Variants in SUMF2 observed in about 807,000 individuals in gnomAD.
SUMF2 encodes sulfatase modifying factor 2.
SUMF2 carries 45 observed loss-of-function variants against 44.8 expected under a neutral mutation model. That is an observed-to-expected ratio of 1.00 (90% CI 0.79 to 1.29). The LOEUF (loss-of-function observed/expected upper bound fraction) is 1.29. Among genes scored for constraint, SUMF2 ranks in the 50% most tolerant of loss-of-function variants. The probability of loss-of-function intolerance (pLI) is 0.00; values close to 1 mark genes in which losing one functional copy is unlikely to be tolerated. For missense variants in SUMF2, 418 were observed against 389.9 expected (o/e 1.07, Z -0.61); for synonymous variants, 148 against 150.4 (o/e 0.98, Z 0.12).
rs1256214794 is a variant in SUMF2, at chr7:56,080,409, G to A, written c.*797G>A. ...CTCCTGAGTAGCTGGGACTACAAGT[G>A]TGCACCACCATGCCTGGCTAATTTT... is the stretch of plus-strand genomic sequence containing the variant. On this transcript the variant is annotated 3_prime_UTR_variant, in exon 9 of 9. Coordinates refer to ENST00000434526, the MANE Select transcript of SUMF2 (RefSeq NM_015411.4). 6.3e-6 allele frequency: 1 copy of A among 158,694 alleles called. No individual in the cohort carries two copies. Among genetic ancestry groups the A allele is most frequent in the African/African-American group, 2.4e-5 (1 of 41,338 alleles). 9.8% of individuals were successfully genotyped at this position (158,694 alleles called of 1,614,324 possible).
the SUMF2 span, chr7:56,087,549 C>A: frequency 1.3e-6 from 2 of 1,573,636 alleles, no homozygotes; most frequent in Non-Finnish European, 1.7e-6. Context: ...GCTGTCAGGG[C>A]AGAATCACAG....
chr7:56,078,290 C>G, intron 7 of SUMF2, 74 bp from the exon 8 acceptor site: 1 of 1,557,658 alleles, frequency 6.4e-7, no homozygotes, highest in South Asian at 1.2e-5. Context: ...TGCCATTTGG[C>G]CCCCAGGACC....
At chr7:56,070,559 G>A (rs1425165068) in intron 2 of SUMF2, among the ~76,000 whole-genome samples, 3 of 151,952 alleles carry the variant, frequency 2.0e-5, no homozygotes, top group Non-Finnish European at 2.9e-5. Context: ...GAGTGTGGAA[G>A]GTTGAGGCTG....
At chr7:56,087,139 G>A in the SUMF2 span, 3 of 765,908 alleles carry the variant, frequency 3.9e-6, no homozygotes, top group Admixed American at 3.6e-5. Context: ...AGCTGACAGG[G>A]GAATCAGGAG....
chr7:56,086,441 G>A, the SUMF2 span, among the ~76,000 whole-genome samples: 48 of 152,226 alleles, frequency 3.2e-4, 2 homozygotes, highest in African/African-American at 1.1e-3. Context: ...GGGAGGCCGA[G>A]GTGGGAGAAT....
downstream of SUMF2, chr7:56,082,134 G>C (rs766789055): frequency 6.2e-7 from 1 of 1,612,450 alleles, no homozygotes; most frequent in African/African-American, 1.3e-5. Flanking sequence ...CAGCCTAGCT[G>C]GGTGCTCCTC....
chr7:56,074,846 C>A, intron 5 of SUMF2, 110 bp downstream of exon 5: 2 of 1,401,762 alleles, frequency 1.4e-6, no homozygotes, highest in Non-Finnish European at 2.0e-6. Context: ...GCCTGTAATC[C>A]CAACACTTTG....
downstream of SUMF2, chr7:56,083,153 G>T: frequency 6.2e-6 from 5 of 800,920 alleles, no homozygotes; most frequent in Non-Finnish European, 5.8e-6. Flanking sequence ...CCTAGCCCTT[G>T]AAATGGTGGA....
At chr7:56,087,800 C>G in the SUMF2 span, 137 of 1,593,198 alleles carry the variant, frequency 8.6e-5, no homozygotes, top group Non-Finnish European at 1.1e-4. Flanking sequence ...GGACAGATGG[C>G]CTCGGGGGGC....
At chr7:56,083,293 C>T (rs1796104148), downstream of SUMF2, 5 of 1,613,920 alleles carry the variant, frequency 3.1e-6, no homozygotes, top group Admixed American at 1.7e-5. Context: ...AGCCTCTCTC[C>T]CGGCTCCAGC....
At chr7:56,070,072 C>A in intron 2 of SUMF2, among the ~76,000 whole-genome samples, 1 of 151,828 alleles carries the variant, frequency 6.6e-6, no homozygotes, top group East Asian at 1.9e-4. Context: ...CCACGCCCAG[C>A]TATTTTTTGT....
chr7:56,082,420 C>T (rs1796050193), downstream of SUMF2, among the ~76,000 whole-genome samples: 1 of 152,066 alleles, frequency 6.6e-6, no homozygotes, highest in Admixed American at 6.5e-5. Context: ...TGGCGAAACT[C>T]CATCTCTACT....
downstream of SUMF2, chr7:56,080,966 G>A: frequency 2.7e-6 from 4 of 1,476,724 alleles, no homozygotes; most frequent in Non-Finnish European, 2.8e-6. Context: ...CTTCTGCAGA[G>A]GCCTGCACGC....
At chr7:56,074,450 C>T in intron 4 of SUMF2, 136 bp from the exon 5 acceptor site, 3 of 1,222,428 alleles carry the variant, frequency 2.5e-6, no homozygotes, top group Non-Finnish European at 3.4e-6. Flanking sequence ...ACTCCGACCA[C>T]TGGTCACTCA....
Position 56,068,612 on chromosome 7 carries a change from AT to A in SUMF2, c.201del (p.Pro68LeufsTer37), listed in dbSNP as rs1794964852. 1 of 1,613,316 alleles carries A rather than the reference AT, an allele frequency of 6.2e-7. No homozygotes were observed. The highest frequency in any genetic ancestry group is 8.5e-7 in the Non-Finnish European group (1 of 1,179,718). On this transcript the variant is annotated frameshift_variant, in exon 2 of 9. Coordinates refer to ENST00000434526, the MANE Select transcript of SUMF2 (RefSeq NM_015411.4). LOFTEE classifies it high-confidence loss of function. The part of the protein sequence containing the change: ...ATVKPFAIDI[F>X]PVTNKDFRDF... ...CAGTGAAACCCTTTGCCATCGACAT[AT>A]TTCCTGTCACCAACAAAGATTTCAG...
chr7:56,074,613 G>A lies in SUMF2; in HGVS notation c.412G>A (p.Glu138Lys), dbSNP rs151327169. 3.8e-5 allele frequency: 62 copies of A among 1,614,152 alleles called. No homozygotes were observed. The African/African-American group carries it at 6.0e-4, about 16-fold the overall frequency. The change falls in exon 5 of 9, where the codon GAG becomes AAG. Residue 138 changes from glutamate (E) to lysine (K), a missense_variant. Coordinates refer to ENST00000434526, the MANE Select transcript of SUMF2 (RefSeq NM_015411.4). Reference sequence around the variant, plus strand: ...TGCAGGTCCTGGCTCTGGCATCCGAGAGAGACTGGAGCACCCAGTGTTACA... The same window carrying A: ...TGCAGGTCCTGGCTCTGGCATCCGAAAGAGACTGGAGCACCCAGTGTTACA... ...QPAGPGSGIRERLEHPVLHVS... is the reference protein window; with the variant it reads ...QPAGPGSGIRKRLEHPVLHVS...
intron 2 of SUMF2, among the ~76,000 whole-genome samples, chr7:56,068,929 GCTCGAACT>G (rs1794992592): frequency 6.6e-6 from 1 of 151,158 alleles, no homozygotes; most frequent in Non-Finnish European, 1.5e-5. Context: ...GCCAGGCTGG[GCTCGAACT>G]CCTGACCTCA....
intron 1 of SUMF2, among the ~76,000 whole-genome samples, chr7:56,066,897 G>C (rs964280062): frequency 6.6e-6 from 1 of 152,188 alleles, no homozygotes; most frequent in African/African-American, 2.4e-5. Context: ...TGGGATTCCA[G>C]GTGTGAGCCA....
At chr7:56,087,928 TAC>T in the SUMF2 span, 1 of 583,582 alleles carries the variant, frequency 1.7e-6, no homozygotes, top group Non-Finnish European at 3.0e-6. Context: ...GATGAATAAA[TAC>T]AGGCACAGAC....
Sources: gnomAD v4.1 joint callset for allele counts (sites outside exome capture counted in the v4.1 genomes callset) on GRCh38, gnomAD v4.1.1 for gene constraint, MANE v1.5 for transcripts, NCBI Gene and HGNC (gene_info 2026-07-23, HGNC 2026-07-21) for gene names.